The following BAIAP2L2 variants were observed in gnomAD, a reference collection of about 807,000 sequenced individuals.
The protein encoded by BAIAP2L2 is BAR/IMD domain containing adaptor protein 2 like 2.
In BAIAP2L2, 65 loss-of-function variants were observed where a neutral mutation model predicts 60.4. That is an observed-to-expected ratio of 1.08 (90% CI 0.88 to 1.32). The LOEUF is 1.32. Among genes scored for constraint, BAIAP2L2 ranks in the 40% most tolerant of loss-of-function variants. The pLI, the probability that BAIAP2L2 is intolerant of heterozygous loss-of-function variation, is 0.00. For synonymous variants in BAIAP2L2, 344 were observed against 301.7 expected, an observed-to-expected ratio of 1.14 and a Z score of -1.45; for missense variants, 836 against 741.2, an observed-to-expected ratio of 1.13 and a Z score of -1.48.
Position 38,088,943 on chromosome 22 carries a change from G to GCGCTGC in BAIAP2L2, c.917_922dup (p.Gly306_Ser307dup). 6.5e-7 allele frequency: 1 copy of GCGCTGC among 1,534,944 alleles called. No individual in the cohort carries two copies. Among genetic ancestry groups the GCGCTGC allele is most frequent in the Non-Finnish European group, 8.7e-7 (1 of 1,146,650 alleles). On this transcript the variant is annotated inframe_insertion, in exon 10 of 14. Transcript: ENST00000381669. ...AAAGGAGTTGGAGCGCGAGCTTTGGGCGCTGCCGCTGTAGAGCGAGGCTGT... is the reference window on the plus strand; with the variant it reads ...AAAGGAGTTGGAGCGCGAGCTTTGGGCGCTGCCGCTGCCGCTGTAGAGCGAGGCTGT...
chr22:38,085,419 C>G, intron 13 of BAIAP2L2, 44 bp from the exon 14 acceptor site: 1 of 1,584,278 alleles, frequency 6.3e-7, no homozygotes, highest in Non-Finnish European at 8.6e-7. Context: ...GCAGATGATC[C>G]CCACCTGGCC....
intron 10 of BAIAP2L2, 85 bp downstream of exon 10, chr22:38,088,663 A>C: frequency 4.4e-5 from 59 of 1,349,780 alleles, no homozygotes; most frequent in East Asian, 1.3e-4. Flanking sequence ...GGCCAGGGAA[A>C]CCTCAGTCCG....
Position 38,098,193 on chromosome 22 carries a change from G to A in BAIAP2L2, c.349-14C>T. The A allele has an allele frequency of 2.5e-6, 4 of 1,612,922 alleles. No individual in the cohort carries two copies. The highest frequency in any genetic ancestry group is 3.4e-6 in the Non-Finnish European group (4 of 1,179,176). ...CTGGCGGCTGTCCTGGGGTAGGGTG[G>A]AGTCGGGGAGGGAGAATCCCCCCAC... On this transcript the variant is annotated splice_polypyrimidine_tract_variant and intron_variant, in intron 5 of 13. Transcript: ENST00000381669.
rs2086228196 is a variant in BAIAP2L2 at position 38,089,557 on chromosome 22, G to A, written c.730C>T (p.Pro244Ser). The A allele has an allele frequency of 1.6e-6, 2 of 1,228,608 alleles. No homozygotes were observed. The highest frequency in any genetic ancestry group is 2.0e-6 in the Non-Finnish European group (2 of 986,616). The allele number at this position is 1,228,608 out of a possible 1,614,324, so 76.1% of individuals were successfully genotyped here. ...LLGPALGPPY[P>S]SGRLTPTCLD... ...CAGGTGGGCGTCAGGCGGCCCGAGG[G>A]GTAGGGCGGCCCCAGCGCGGGGCCC... is the stretch of plus-strand genomic sequence containing the variant. Residue 244 changes from proline to serine, a missense_variant, in exon 8 of 14, where the codon CCC (proline) becomes TCC (serine). Pro to Ser is a moderately conservative substitution (Grantham distance 74). Coordinates refer to ENST00000381669, the MANE Select transcript of BAIAP2L2 (RefSeq NM_025045.6).
chr22:38,088,713 A>AGGGG, intron 10 of BAIAP2L2, 35 bp downstream of exon 10: 1 of 912,514 alleles, frequency 1.1e-6, no homozygotes, highest in Non-Finnish European at 1.7e-6. Context: ...CCTTCTTCTC[A>AGGGG]ACCCACCCCC....
chr22:38,107,700 T>C (rs2086692342), intron 4 of BAIAP2L2, 152 bp downstream of exon 4: 1 of 708,758 alleles, frequency 1.4e-6, no homozygotes, highest in African/African-American at 1.8e-5. Context: ...GAACGACTAT[T>C]GCAGGGAACC....
intron 1 of BAIAP2L2, among the ~76,000 whole-genome samples, chr22:38,110,141 G>GAGAGAC: frequency 1.3e-5 from 1 of 79,402 alleles, no homozygotes; most frequent in South Asian, 4.5e-4. Context: ...GAGAGAGAGA[G>GAGAGAC]AGAGAGAGGG....
In BAIAP2L2 at chr22:38,087,147, G is replaced by GC. The variant is rs1184973885; in HGVS notation, c.1235_1236insG (p.Asn412LysfsTer21). 5.6e-6 allele frequency: 7 copies of GC among 1,239,538 alleles called. No individual in the cohort carries two copies. In the African/African-American group the frequency reaches 8.5e-5, roughly 15 times the overall value. The allele number at this position is 1,239,538 out of a possible 1,614,324, so 76.8% of individuals were successfully genotyped here. ...ACCTGGAAGGCAGCTCGTTCCCGGG[G>GC]TTCATGGGTGTCATGGGGGACATGG... is the stretch of plus-strand genomic sequence containing the variant. On this transcript the variant is annotated frameshift_variant, in exon 11 of 14. Transcript: ENST00000381669. LOFTEE classifies it high-confidence loss of function.
intron 12 of BAIAP2L2, 148 bp downstream of exon 12, chr22:38,086,094 C>T (rs771317428): frequency 2.3e-5 from 22 of 940,250 alleles, no homozygotes; most frequent in South Asian, 9.2e-5. Context: ...CTCAGCCCCA[C>T]ACCACCCCTC....
chr22:38,110,416 C>T, intron 1 of BAIAP2L2, 59 bp downstream of exon 1: 2 of 1,551,736 alleles, frequency 1.3e-6, no homozygotes, highest in Non-Finnish European at 1.8e-6. Context: ...CAGAGCGGGC[C>T]TGATTTCTGT....
At chr22:38,087,370 G>A (rs994951565) in intron 10 of BAIAP2L2, 106 bp from the exon 11 acceptor site, 47 of 1,316,046 alleles carry the variant, frequency 3.6e-5, no homozygotes, top group African/African-American at 4.6e-5. Flanking sequence ...ACTTCACCTC[G>A]AATTGACAGA....
intron 3 of BAIAP2L2, 98 bp downstream of exon 3, chr22:38,108,157 G>C (rs2086705716): frequency 8.3e-7 from 1 of 1,210,026 alleles, no homozygotes; most frequent in African/African-American, 1.5e-5. Context: ...TGGGCCCTGG[G>C]CTGAAAGGCC....
intron 4 of BAIAP2L2, among the ~76,000 whole-genome samples, chr22:38,100,627 T>A (rs1280850665): frequency 6.6e-6 from 1 of 152,188 alleles, no homozygotes; most frequent in Non-Finnish European, 1.5e-5. Context: ...GTGACGCACC[T>A]GTTACCCCTT....
chr22:38,087,099 GCCCCA>G lies in BAIAP2L2; in HGVS notation c.1259+20_1259+24del. 2.0e-6 allele frequency: 3 copies of G among 1,512,444 alleles called. No homozygotes were observed. The highest frequency in any genetic ancestry group is 1.8e-6 in the Non-Finnish European group (2 of 1,131,638). 93.7% of individuals were successfully genotyped at this position (1,512,444 alleles called of 1,614,324 possible). A position where few individuals can be genotyped will look rare whatever the true frequency, so the allele number is the denominator to read the frequency against. ...CACCCTTGCCGGCGTCCTCACCCCC[GCCCCA>G]CCCCTGATGACTCAGGTACCTGGAA... is the stretch of plus-strand genomic sequence containing the variant. On this transcript the variant is annotated intron_variant, in intron 11 of 13. Coordinates refer to ENST00000381669, the MANE Select transcript of BAIAP2L2 (RefSeq NM_025045.6).
Position 38,089,112 on chromosome 22 carries a change from G to A in BAIAP2L2, c.885C>T (p.Pro295=). The A allele has an allele frequency of 7.3e-7, 1 of 1,373,146 alleles. No homozygotes were observed. Among genetic ancestry groups the A allele is most frequent in the Non-Finnish European group, 9.3e-7 (1 of 1,069,650 alleles). The allele number at this position is 1,373,146 out of a possible 1,614,324, so 85.1% of individuals were successfully genotyped here. ...GGCACTCACAGGCCGACGGCGTGCG[G>A]GGCAGGGAGCGACGGTCTGGCTCTA... ...SQLEPDRRSL[P]RTPSASSLYS... The change falls in exon 9 of 14, where the codon CCC becomes CCT. Residue 295 remains proline, a synonymous_variant. Transcript: ENST00000381669.
chr22:38,103,272 GAGAC>G (rs1355597691), intron 4 of BAIAP2L2, among the ~76,000 whole-genome samples: 1 of 152,112 alleles, frequency 6.6e-6, no homozygotes. Flanking sequence ...TAGAAATAAA[GAGAC>G]AGAGCGAGAG....
In BAIAP2L2 at chr22:38,107,725, C is replaced by T. The variant is rs147395191; in HGVS notation, c.276+127G>A. The T allele has an allele frequency of 9.5e-3, 7,963 of 839,040 alleles. 66 individuals carry two copies. The highest frequency in any genetic ancestry group is 0.018 in the South Asian group (1,187 of 67,144). 52.0% of individuals were successfully genotyped at this position (839,040 alleles called of 1,614,324 possible). On this transcript the variant is annotated intron_variant, in intron 4 of 13. Coordinates refer to ENST00000381669, the MANE Select transcript of BAIAP2L2 (RefSeq NM_025045.6). Reference sequence around the variant, plus strand: ...TGCAGGGAACCGTGCCCCACAGAGCCGGGTGCTGGGAAGGGCAGCCACGGT... The same window carrying T: ...TGCAGGGAACCGTGCCCCACAGAGCTGGGTGCTGGGAAGGGCAGCCACGGT...
intron 4 of BAIAP2L2, among the ~76,000 whole-genome samples, chr22:38,107,054 C>A (rs1005916049): frequency 3.3e-5 from 5 of 152,168 alleles, no homozygotes; most frequent in African/African-American, 1.2e-4. Context: ...CTCAAGAACC[C>A]TGGGAGGCAG....
intron 7 of BAIAP2L2, among the ~76,000 whole-genome samples, chr22:38,093,664 C>T (rs1379176650): frequency 6.6e-6 from 1 of 152,162 alleles, no homozygotes; most frequent in South Asian, 2.1e-4. Flanking sequence ...AATCAGATAT[C>T]GCTTCACACC....
Sources: gnomAD v4.1 joint callset for allele counts (sites outside exome capture counted in the v4.1 genomes callset) on GRCh38, gnomAD v4.1.1 for gene constraint, MANE v1.5 for transcripts, NCBI Gene and HGNC (gene_info 2026-07-23, HGNC 2026-07-21) for gene names.